Variants in KMT2D observed in about 807,000 individuals in gnomAD.
The protein encoded by KMT2D is lysine methyltransferase 2D.
Under a neutral mutation model 512.7 loss-of-function variants are expected in KMT2D, and 55 were observed. That is an observed-to-expected ratio of 0.11 (90% CI 0.09 to 0.13). The LOEUF (loss-of-function observed/expected upper bound fraction) is 0.13. Among genes scored for constraint, KMT2D ranks in the 10% least tolerant of loss-of-function variants. The probability of loss-of-function intolerance (pLI) is 1.00; values close to 1 mark genes in which losing one functional copy is unlikely to be tolerated. For missense variants in KMT2D, 6,061 were observed against 7,127.9 expected (o/e 0.85, Z 5.39); for synonymous variants, 2,995 against 2,904.0 (o/e 1.03, Z -1.01).
chr12:49,024,482 G>C lies in KMT2D; in HGVS notation c.16052+96C>G. The C allele has an allele frequency of 6.8e-7, 1 of 1,462,432 alleles. No homozygotes were observed. Among genetic ancestry groups the C allele is most frequent in the Non-Finnish European group, 9.2e-7 (1 of 1,088,338 alleles). The allele number at this position is 1,462,432 out of a possible 1,614,324, so 90.6% of individuals were successfully genotyped here. A position where few individuals can be genotyped will look rare whatever the true frequency, so the allele number is the denominator to read the frequency against. Reference sequence around the variant, plus strand: ...GAGTGATTCCCCATTTTCTCCACGGGAACTCTGATCTGTATCCTAAATCCT... The same window carrying C: ...GAGTGATTCCCCATTTTCTCCACGGCAACTCTGATCTGTATCCTAAATCCT... On this transcript the variant is annotated intron_variant, in intron 51 of 54. Transcript: ENST00000301067. This position sits in a 1 kb window ranked among gnomAD's most constrained non-coding sequence, Gnocchi z 4.5.
chr12:49,049,376 C>G (rs1479342713), intron 12 of KMT2D, among the ~76,000 whole-genome samples, 158 bp from the exon 13 acceptor site: 1 of 152,206 alleles, frequency 6.6e-6, no homozygotes, highest in East Asian at 1.9e-4. Context: ...TCCCAGATAT[C>G]AACAAGCGCA....
chr12:49,043,173 C>T lies in KMT2D; in HGVS notation c.5547G>A (p.Gly1849=), dbSNP rs2120564543. Residue 1849 remains glycine (G), a synonymous_variant, in exon 26 of 55, where the codon GGG becomes GGA. Transcript: ENST00000301067. ...TGGGCACTGGGGATGCCTTCACGCC[C>T]CCATCCTCAGGTCCTGTAAATGCCA... The part of the protein sequence containing the change: ...GKADTPGPED[G]GVKASPVPSD... The T allele has an allele frequency of 6.2e-7, 1 of 1,613,898 alleles. No individual in the cohort carries two copies. Among genetic ancestry groups the T allele is most frequent in the South Asian group, 1.1e-5 (1 of 91,086 alleles).
rs777393777 is a variant in KMT2D at position 49,054,179 on chromosome 12, C to T, written c.511-39G>A. ...AAAAGAGCCTCAGTGTCAGCCAGCT[C>T]TCCCCAGACAAACAGTTCAGGCACT... On this transcript the variant is annotated intron_variant, in intron 5 of 54. Coordinates refer to ENST00000301067, the MANE Select transcript of KMT2D (RefSeq NM_003482.4). The surrounding 1 kb of genome is among the most constrained non-coding windows in gnomAD (Gnocchi z 6.4). 1 of 1,556,064 alleles carries T rather than the reference C, an allele frequency of 6.4e-7. No individual in the cohort carries two copies. Among genetic ancestry groups the T allele is most frequent in the Non-Finnish European group, 8.7e-7 (1 of 1,148,940 alleles).
rs1942754920 is a variant in KMT2D at position 49,029,087 on chromosome 12, G to C, written c.14225C>G (p.Pro4742Arg). 3 of 1,605,990 alleles carry C rather than the reference G, an allele frequency of 1.9e-6. No homozygotes were observed. The highest frequency in any genetic ancestry group is 2.6e-6 in the Non-Finnish European group (3 of 1,173,672). Residue 4742 changes from proline (P) to arginine (R), a missense_variant, in exon 45 of 55, where the codon CCC becomes CGC. Transcript: ENST00000301067. The part of the protein sequence containing the change: ...QEDRALSPVI[P>R]LIPRASIPVF... ...TGGGATGCTGGCCCGAGGAATGAGGGGGATGACAGGGGAGAGGGCCCGGTC... is the reference window on the plus strand; with the variant it reads ...TGGGATGCTGGCCCGAGGAATGAGGCGGATGACAGGGGAGAGGGCCCGGTC...
At position 49,032,449 on chromosome 12, in the gene KMT2D, G is replaced by A. The variant is rs1942967307; in HGVS notation, c.12256C>T (p.Pro4086Ser). ...LLVQPQPQPQPSSLQLQPPLR... is the reference protein window; with the variant it reads ...LLVQPQPQPQSSSLQLQPPLR... Reference sequence around the variant, plus strand: ...GGTGGCTGCAGCTGCAGAGAGCTGGGCTGAGGCTGGGGCTGGGGTTGGACA... The same window carrying A: ...GGTGGCTGCAGCTGCAGAGAGCTGGACTGAGGCTGGGGCTGGGGTTGGACA... Residue 4086 changes from proline (P) to serine (S), a missense_variant, in exon 40 of 55, where the codon CCC (proline) becomes TCC (serine). This residue lies in a region of KMT2D where 1,600 missense variants were observed against 1,754.9 expected (regional missense o/e 0.91). Coordinates refer to ENST00000301067, the MANE Select transcript of KMT2D (RefSeq NM_003482.4). 2 of 1,571,082 alleles carry A rather than the reference G, an allele frequency of 1.3e-6. No individual in the cohort carries two copies. Among genetic ancestry groups the A allele is most frequent in the Non-Finnish European group, 1.7e-6 (2 of 1,157,840 alleles).
rs2120557811 is a variant in KMT2D, at chr12:49,042,620, G to A, written c.5808C>T (p.Pro1936=). The A allele has an allele frequency of 1.2e-6, 2 of 1,613,804 alleles. No homozygotes were observed. Among genetic ancestry groups the A allele is most frequent in the Non-Finnish European group, 1.7e-6 (2 of 1,179,752 alleles). The change falls in exon 28 of 55, where the codon CCC becomes CCT. Residue 1936 remains proline, a synonymous_variant. Transcript: ENST00000301067. This position sits in a 1 kb window ranked among gnomAD's most constrained non-coding sequence, Gnocchi z 4.4. The part of the protein sequence containing the change: ...LQGGLPLGNL[P]SSSPMDSYPG... ...GGTAGGAGTCCATTGGGCTGCTGGAGGGCAGATTGCCCAAAGGGAGTCCAC... is the reference window on the plus strand; with the variant it reads ...GGTAGGAGTCCATTGGGCTGCTGGAAGGCAGATTGCCCAAAGGGAGTCCAC...
Position 49,041,287 on chromosome 12 carries a change from G to C in KMT2D, c.6483C>G (p.Leu2161=), listed in dbSNP as rs200964706. The change falls in exon 32 of 55, where the codon CTC becomes CTG. Residue 2161 remains leucine, a synonymous_variant. Coordinates refer to ENST00000301067, the MANE Select transcript of KMT2D (RefSeq NM_003482.4). This position sits in a 1 kb window ranked among gnomAD's most constrained non-coding sequence, Gnocchi z 5.4. ...PGPDSPGELF[L]KLPPQVPAQV... Reference sequence around the variant, plus strand: ...GGGCGGGCACCTGGGGTGGGAGCTTGAGGAAGAGCTCACCAGGCGAGTCAG... The same window carrying C: ...GGGCGGGCACCTGGGGTGGGAGCTTCAGGAAGAGCTCACCAGGCGAGTCAG... 2 of 1,523,512 alleles carry C rather than the reference G, an allele frequency of 1.3e-6. No homozygotes were observed. Among genetic ancestry groups the C allele is most frequent in the Non-Finnish European group, 1.8e-6 (2 of 1,138,884 alleles). 94.4% of individuals were successfully genotyped at this position (1,523,512 alleles called of 1,614,324 possible).
rs904315343 is a variant in KMT2D at position 49,060,735 on chromosome 12, C to T, written c.-1160G>A. Among the ~76,000 whole-genome samples the T allele has an allele frequency of 4.6e-5, 7 of 152,236 alleles. No homozygotes were observed. The highest frequency in any genetic ancestry group is 8.8e-5 in the Non-Finnish European group (6 of 68,046). ...GGGGGGGCCTTTTGCCCGGGGCACC[C>T]CACTCGAGAGGGGGAGAAAGGAGAA... On this transcript the variant is annotated 5_prime_UTR_variant, in exon 1 of 55. Coordinates refer to ENST00000301067, the MANE Select transcript of KMT2D (RefSeq NM_003482.4).
In KMT2D at chr12:49,031,538, T is replaced by C. The variant is rs960054403; in HGVS notation, c.13167A>G (p.Pro4389=). ...GCCCAGGTACCAGGCTGCTCTGCTCTGGCTTCTGGGTTTCTGCTAGGTTGT... is the reference window on the plus strand; with the variant it reads ...GCCCAGGTACCAGGCTGCTCTGCTCCGGCTTCTGGGTTTCTGCTAGGTTGT... The part of the protein sequence containing the change: ...PPDNLAETQK[P]EQSSLVPGHL... Residue 4389 remains proline, a synonymous_variant, in exon 40 of 55, where the codon CCA becomes CCG. Coordinates refer to ENST00000301067, the MANE Select transcript of KMT2D (RefSeq NM_003482.4). 2 of 1,606,836 alleles carry C rather than the reference T, an allele frequency of 1.2e-6. No individual in the cohort carries two copies. The highest frequency in any genetic ancestry group is 1.7e-5 in the Admixed American group (1 of 58,672).
In KMT2D at chr12:49,038,788, T is replaced by A; in HGVS notation, c.8568A>T (p.Gly2856=). 6.3e-7 allele frequency: 1 copy of A among 1,591,880 alleles called. No individual in the cohort carries two copies. Among genetic ancestry groups the A allele is most frequent in the Non-Finnish European group, 8.6e-7 (1 of 1,169,152 alleles). ...CAGGGCCTGGCAGACGGGTGGAAAT[T>A]CCCGCCAACGGGGAACCTAGGGCTT... ...GRQALGSPLA[G]ISTRLPGPGE... is the part of the protein sequence containing the mutation. The change falls in exon 35 of 55, where the codon GGA becomes GGT. Residue 2856 remains glycine, a synonymous_variant. Coordinates refer to ENST00000301067, the MANE Select transcript of KMT2D (RefSeq NM_003482.4). The surrounding 1 kb of genome is among the most constrained non-coding windows in gnomAD (Gnocchi z 5.7).
chr12:49,043,817 T>C, intron 23 of KMT2D, 35 bp from the exon 24 acceptor site: 4 of 1,613,324 alleles, frequency 2.5e-6, no homozygotes, highest in East Asian at 2.2e-5. Flanking sequence ...GTTTTCTTCA[T>C]GCCCTGCAGG....
At position 49,037,187 on chromosome 12, in the gene KMT2D, C is replaced by A. The variant is rs1196665028; in HGVS notation, c.10169G>T (p.Cys3390Phe). ...CATTGCCAATTGCTGCGGCTTCATG[C>A]ACATGGAAGGTGGCATGGTGCCCAT... ...KPMGTMPPSM[C>F]MKPQQLAMQQ... Residue 3390 changes from cysteine to phenylalanine, a missense_variant, in exon 35 of 55, where the codon TGC becomes TTC. By Grantham distance (205) the Cys-to-Phe change is radical (BLOSUM62 -2). Coordinates refer to ENST00000301067, the MANE Select transcript of KMT2D (RefSeq NM_003482.4). 6.2e-7 allele frequency: 1 copy of A among 1,604,010 alleles called. No individual in the cohort carries two copies. Among genetic ancestry groups the A allele is most frequent in the Admixed American group, 1.7e-5 (1 of 59,680 alleles).
rs886049470 is a variant in KMT2D at position 49,021,672 on chromosome 12, C to G, written c.*108G>C. ...CCAGGGGCTCCGGGTCAGCCGGCAGCCCCAACCCTGGGTCCTGGCTCTGGC... is the reference window on the plus strand; with the variant it reads ...CCAGGGGCTCCGGGTCAGCCGGCAGGCCCAACCCTGGGTCCTGGCTCTGGC... On this transcript the variant is annotated 3_prime_UTR_variant, in exon 55 of 55. Transcript: ENST00000301067. 7 of 976,298 alleles carry G rather than the reference C, an allele frequency of 7.2e-6. No homozygotes were observed. The highest frequency in any genetic ancestry group is 9.3e-6 in the Non-Finnish European group (6 of 644,812). 60.5% of individuals were successfully genotyped at this position (976,298 alleles called of 1,614,324 possible).
rs556490137 is a variant in KMT2D at position 49,059,449 on chromosome 12, C to A, written c.-38+164G>T. Among the ~76,000 whole-genome samples the A allele has an allele frequency of 3.2e-4, 48 of 152,342 alleles. 1 individual carries two copies. The South Asian group carries it at 9.9e-3, about 32-fold the overall frequency. On this transcript the variant is annotated intron_variant, in intron 1 of 54. Transcript: ENST00000301067. The stretch of plus-strand genomic sequence containing the variant: ...CAAGACACCAGGCCTCAGTTCTGCC[C>A]TGGTGACTGGCTCAGGTTCCCTTGA...
In KMT2D at chr12:49,033,914, G is replaced by A. The variant is rs1301376211; in HGVS notation, c.10791C>T (p.Asn3597=). 3 of 1,536,918 alleles carry A rather than the reference G, an allele frequency of 2.0e-6. No homozygotes were observed. The highest frequency in any genetic ancestry group is 2.4e-5 in the East Asian group (1 of 41,044). Residue 3597 remains asparagine, a synonymous_variant, in exon 40 of 55, where the codon AAC becomes AAT. Coordinates refer to ENST00000301067, the MANE Select transcript of KMT2D (RefSeq NM_003482.4). The stretch of plus-strand genomic sequence containing the variant: ...GCTGCTGCTGTTGTTGCTGCTGCTT[G>A]TTCCGATATTCTGCCATGAGATTAG... ...EHTNLMAEYR[N]KQQQQQQQQQ...
rs536964472 is a variant in KMT2D at position 49,042,462 on chromosome 12, G to A, written c.5867+99C>T. The A allele has an allele frequency of 4.1e-5, 62 of 1,524,976 alleles. No individual in the cohort carries two copies. The South Asian group carries it at 4.8e-4, about 12-fold the overall frequency. 94.5% of individuals were successfully genotyped at this position (1,524,976 alleles called of 1,614,324 possible). A position where few individuals can be genotyped will look rare whatever the true frequency, so the allele number is the denominator to read the frequency against. Reference sequence around the variant, plus strand: ...ACTAACAAGGGAATGGGGAGGAGCAGGGGAAGTGCTGCAGGAGTCCGAGGG... The same window carrying A: ...ACTAACAAGGGAATGGGGAGGAGCAAGGGAAGTGCTGCAGGAGTCCGAGGG... On this transcript the variant is annotated intron_variant, in intron 28 of 54. Coordinates refer to ENST00000301067, the MANE Select transcript of KMT2D (RefSeq NM_003482.4). The surrounding 1 kb of genome is among the most constrained non-coding windows in gnomAD (Gnocchi z 4.4).
rs534899657 is a variant in KMT2D at position 49,028,027 on chromosome 12, C to G, written c.14497G>C (p.Gly4833Arg). The G allele has an allele frequency of 3.0e-5, 49 of 1,613,436 alleles. 1 individual carries two copies. In the South Asian group the frequency reaches 4.8e-4, roughly 16 times the overall value. The change falls in exon 47 of 55, where the codon GGG becomes CGG. Residue 4833 changes from glycine (G) to arginine (R), a missense_variant. Gly to Arg is a moderately radical substitution (Grantham distance 125). Coordinates refer to ENST00000301067, the MANE Select transcript of KMT2D (RefSeq NM_003482.4). ...PARAGTEPKK[G>R]EAEGPGGKEK... ...CACTCACCAGGACCCTCAGCTTCCC[C>G]CTTCTTTGGCTCAGTGCCTGCCCGG...
rs1009882183 is a variant in KMT2D, at chr12:49,026,046, C to A, written c.15784+136G>T. On this transcript the variant is annotated intron_variant, in intron 49 of 54. Coordinates refer to ENST00000301067, the MANE Select transcript of KMT2D (RefSeq NM_003482.4). The surrounding 1 kb of genome is among the most constrained non-coding windows in gnomAD (Gnocchi z 9.6). The stretch of plus-strand genomic sequence containing the variant: ...ACTTTCACTGGGAGTTTTCAAGAGA[C>A]CCCCTGCCTGCCTGAGGTGGGGGAA... 3 of 794,134 alleles carry A rather than the reference C, an allele frequency of 3.8e-6. No individual in the cohort carries two copies. Among genetic ancestry groups the A allele is most frequent in the Non-Finnish European group, 5.8e-6 (3 of 517,184 alleles). 49.2% of individuals were successfully genotyped at this position (794,134 alleles called of 1,614,324 possible).
At chr12:49,029,257 T>C (rs1348650782) in intron 44 of KMT2D, 21 bp from the exon 45 acceptor site, 1 of 1,607,414 alleles carries the variant, frequency 6.2e-7, no homozygotes, top group African/African-American at 1.3e-5. Flanking sequence ...AAAGTAGACA[T>C]TTGTTGCTAC....
Sources: allele counts gnomAD v4.1 joint callset (sites outside exome capture counted in the v4.1 genomes callset), GRCh38; gene constraint gnomAD v4.1.1; regional missense constraint gnomAD v4.1.1; non-coding constraint Gnocchi (gnomAD v3.1); transcripts MANE v1.5; gene names NCBI Gene and HGNC (gene_info 2026-07-23, HGNC 2026-07-21).